NEDD4L: variants seen among roughly 807,000 people sequenced by gnomAD.
NEDD4L encodes the protein NEDD4 like E3 ubiquitin protein ligase, also known as E3 ubiquitin-protein ligase NEDD4-like.
A neutral mutation model predicts 148.9 loss-of-function variants in NEDD4L; 54 were observed. The observed-to-expected ratio is 0.36, with a 90% CI of 0.29 to 0.45. The LOEUF (loss-of-function observed/expected upper bound fraction) is 0.45, where lower values mean the gene tolerates loss of function less well. Ranked by LOEUF, NEDD4L falls within the 20% of genes least tolerant of loss-of-function variation. The pLI is 1.00. For missense variants in NEDD4L, 856 were observed against 1,233.8 expected, an observed-to-expected ratio of 0.69 and a Z score of 4.59; for synonymous variants, 433 against 440.7, an observed-to-expected ratio of 0.98 and a Z score of 0.22.
At chr18:58,336,906 G>T (rs979120599) in intron 13 of NEDD4L, among the ~76,000 whole-genome samples, 3 of 152,196 alleles carry the variant, frequency 2.0e-5, no homozygotes, top group Admixed American at 2.0e-4. Flanking sequence ...CTTTGAGGGG[G>T]ACAAGATCGT....
At chr18:58,357,777 A>G (rs1156428355) in intron 19 of NEDD4L, among the ~76,000 whole-genome samples, 1 of 152,138 alleles carries the variant, frequency 6.6e-6, no homozygotes, top group African/African-American at 2.4e-5. Flanking sequence ...GCCGGGTGGA[A>G]AAAGAATCAA....
At position 58,294,161 on chromosome 18, in the gene NEDD4L, A is replaced by T. The variant is rs550221622; in HGVS notation, c.298-21821A>T. ...TAAGGAATCGATATCACGGAAATAC[A>T]CATCACACTTTCTGCTTGCCGCTTT... On this transcript the variant is annotated intron_variant, in intron 5 of 30. Coordinates refer to ENST00000400345, the MANE Select transcript of NEDD4L (RefSeq NM_001144967.3). 2.0e-5 allele frequency among the ~76,000 whole-genome samples: 3 copies of T among 152,324 alleles called. No homozygotes were observed. In the East Asian group the frequency reaches 5.8e-4, roughly 29 times the overall value.
chr18:58,236,422 G>A (rs934930559), intron 2 of NEDD4L, among the ~76,000 whole-genome samples: 2 of 152,180 alleles, frequency 1.3e-5, no homozygotes, highest in African/African-American at 4.8e-5. Context: ...CTAACCATGA[G>A]GGAAGTAGGT....
At chr18:58,290,542 G>T (rs1461058560) in intron 5 of NEDD4L, among the ~76,000 whole-genome samples, 1 of 152,130 alleles carries the variant, frequency 6.6e-6, no homozygotes, top group Non-Finnish European at 1.5e-5. Flanking sequence ...CTAAAAATAG[G>T]TAGGCGATCC....
chr18:58,256,175 C>G lies in NEDD4L; in HGVS notation c.297+4121C>G, dbSNP rs1464995036. ...CGGCCGCCGCGTGCGGTGCTCCGGCCCCGTGGACTGCGCGGAGGAGGCTGC... is the reference window on the plus strand; with the variant it reads ...CGGCCGCCGCGTGCGGTGCTCCGGCGCCGTGGACTGCGCGGAGGAGGCTGC... On this transcript the variant is annotated intron_variant, in intron 5 of 30. Transcript: ENST00000400345. This position sits in a 1 kb window ranked among gnomAD's most constrained non-coding sequence, Gnocchi z 5.2. 4 of 1,217,398 alleles carry G rather than the reference C, an allele frequency of 3.3e-6. No individual in the cohort carries two copies. Among genetic ancestry groups the G allele is most frequent in the African/African-American group, 3.1e-5 (2 of 63,714 alleles). The allele number at this position is 1,217,398 out of a possible 1,614,324, so 75.4% of individuals were successfully genotyped here. A position where few individuals can be genotyped will look rare whatever the true frequency, so the allele number is the denominator to read the frequency against.
At chr18:58,147,801 C>G (rs1195783882) in intron 1 of NEDD4L, among the ~76,000 whole-genome samples, 1 of 152,098 alleles carries the variant, frequency 6.6e-6, no homozygotes, top group Admixed American at 6.5e-5. Context: ...CTTTGAATGC[C>G]CTTTTCATGC....
intron 1 of NEDD4L, among the ~76,000 whole-genome samples, chr18:58,094,220 T>C (rs2084243574): frequency 6.6e-6 from 1 of 151,856 alleles, no homozygotes; most frequent in Non-Finnish European, 1.5e-5. Flanking sequence ...GGTCTCCATC[T>C]GTTGCCCAGG....
chr18:58,334,473 T>C (rs2041458249), intron 12 of NEDD4L, among the ~76,000 whole-genome samples: 1 of 152,220 alleles, frequency 6.6e-6, no homozygotes, highest in Admixed American at 6.5e-5. Context: ...AAAAGAAATA[T>C]TCAAGTTGGA....
chr18:58,101,871 A>G (rs992988510), intron 1 of NEDD4L, among the ~76,000 whole-genome samples: 17 of 152,056 alleles, frequency 1.1e-4, no homozygotes, highest in African/African-American at 4.1e-4. Flanking sequence ...CTTTTTGGAA[A>G]GTGGGTGAAT....
intron 1 of NEDD4L, among the ~76,000 whole-genome samples, chr18:58,112,401 TTTATTTA>T (rs1568232345): frequency 6.6e-6 from 1 of 150,860 alleles, no homozygotes; most frequent in Non-Finnish European, 1.5e-5. Context: ...TATTTATTTA[TTTATTTA>T]TTTTTGCCTA....
At position 58,209,413 on chromosome 18, in the gene NEDD4L, C is replaced by G. The variant is rs73450469; in HGVS notation, c.123-36014C>G. Reference sequence around the variant, plus strand: ...CTTCCACCTCCTCCTCCTCCACCTCCCCCTCCTTTACCTCCTCCTTCTCTT... The same window carrying G: ...CTTCCACCTCCTCCTCCTCCACCTCGCCCTCCTTTACCTCCTCCTTCTCTT... On this transcript the variant is annotated intron_variant, in intron 2 of 30. Transcript: ENST00000400345. 8.1e-4 allele frequency among the ~76,000 whole-genome samples: 25 copies of G among 30,810 alleles called. 3 individuals are homozygous for G. Among genetic ancestry groups the G allele is most frequent in the African/African-American group, 3.6e-3 (21 of 5,764 alleles). 20.2% of individuals were successfully genotyped at this position (30,810 alleles called of 152,430 possible). A position where few individuals can be genotyped will look rare whatever the true frequency, so the allele number is the denominator to read the frequency against.
intron 27 of NEDD4L, chr18:58,388,796 G>A: frequency 2.5e-6 from 1 of 396,420 alleles, no homozygotes. Flanking sequence ...CAGGTCCCAT[G>A]CGTAAGACTA....
intron 2 of NEDD4L, among the ~76,000 whole-genome samples, chr18:58,196,698 T>TTC (rs141781416): frequency 0.027 from 3,584 of 134,022 alleles, 184 homozygotes; most frequent in East Asian, 0.053. Context: ...TACTTTTCTG[T>TTC]TCTCTCTCTC....
chr18:58,347,820 T>A (rs1338169176), intron 16 of NEDD4L, among the ~76,000 whole-genome samples: 1 of 152,240 alleles, frequency 6.6e-6, no homozygotes, highest in Non-Finnish European at 1.5e-5. Context: ...TCAGTGATAC[T>A]ATGACTTACA....
At position 58,114,362 on chromosome 18, in the gene NEDD4L, A is replaced by G. The variant is rs554725762; in HGVS notation, c.49-51426A>G. Among the ~76,000 whole-genome samples the G allele has an allele frequency of 2.8e-5, 3 of 108,068 alleles. No individual in the cohort carries two copies. The East Asian group carries it at 6.6e-4, about 24-fold the overall frequency. 70.9% of individuals were successfully genotyped at this position (108,068 alleles called of 152,430 possible). The stretch of plus-strand genomic sequence containing the variant: ...ATTTAAAAAAAATATATATATATAT[A>G]CACACACACACACACATACACACAT... On this transcript the variant is annotated intron_variant, in intron 1 of 30. Transcript: ENST00000400345.
chr18:58,243,778 G>A (rs551892136), intron 2 of NEDD4L, among the ~76,000 whole-genome samples: 2 of 152,196 alleles, frequency 1.3e-5, no homozygotes, highest in East Asian at 3.9e-4. Context: ...ACCAAATAAA[G>A]GTTTACAGCT....
At chr18:58,330,618 A>G (rs560041802) in intron 10 of NEDD4L, 120 bp from the exon 11 acceptor site, 1 of 664,958 alleles carries the variant, frequency 1.5e-6, no homozygotes, top group African/African-American at 1.8e-5. Flanking sequence ...CATGAGAGGC[A>G]CTTAGTAGGT....
At chr18:58,357,976 G>T (rs1016242558) in intron 19 of NEDD4L, among the ~76,000 whole-genome samples, 2 of 152,204 alleles carry the variant, frequency 1.3e-5, no homozygotes, top group African/African-American at 2.4e-5. Context: ...CTATACGAGT[G>T]CAGGGAGGTA....
chr18:58,262,198 G>A (rs1478829018), intron 5 of NEDD4L, among the ~76,000 whole-genome samples: 3 of 152,242 alleles, frequency 2.0e-5, no homozygotes, highest in Non-Finnish European at 2.9e-5. Context: ...TTAAATATTA[G>A]CAAAAGCAGG....
Sources: gnomAD v4.1 joint callset for allele counts (sites outside exome capture counted in the v4.1 genomes callset) on GRCh38, gnomAD v4.1.1 for gene constraint, Gnocchi (gnomAD v3.1) non-coding constraint, MANE v1.5 for transcripts, NCBI Gene and HGNC (gene_info 2026-07-23, HGNC 2026-07-21) for gene names.